Variants in HMGN1 observed in about 807,000 individuals in gnomAD.
The protein encoded by HMGN1 is non-histone chromosomal protein HMG-14.
A neutral mutation model predicts 18.4 loss-of-function variants in HMGN1; 9 were observed. The ratio of observed to expected loss-of-function variants is 0.49; its 90% CI spans 0.29 to 0.85. The LOEUF (loss-of-function observed/expected upper bound fraction) is 0.85, where lower values mean the gene tolerates loss of function less well. Ranked by LOEUF, HMGN1 falls within the 40% of genes least tolerant of loss-of-function variation. HMGN1 has a pLI of 0.07. For missense variants in HMGN1, 151 were observed against 119.2 expected (o/e 1.27, Z -1.24); for synonymous variants, 59 against 45.0 (o/e 1.31, Z -1.24).
chr21:39,343,199 C>A (rs1215870220), intron 5 of HMGN1, 40 bp from the exon 6 acceptor site: 1 of 1,561,856 alleles, frequency 6.4e-7, no homozygotes, highest in Admixed American at 1.9e-5. Context: ...GCATTTAACA[C>A]GTTGTCGTTT....
intron 5 of HMGN1, among the ~76,000 whole-genome samples, chr21:39,344,100 CAAA>C (rs1382261256): frequency 6.6e-6 from 1 of 151,686 alleles, no homozygotes; most frequent in Non-Finnish European, 1.5e-5. Context: ...ACTAAAAATA[CAAA>C]AAATTAGTTG....
intron 1 of HMGN1, 128 bp from the exon 2 acceptor site, chr21:39,348,705 C>G: frequency 8.2e-7 from 1 of 1,212,982 alleles, no homozygotes; most frequent in Non-Finnish European, 1.1e-6. Context: ...GAATAGCCCC[C>G]TCAGCTCCCC....
chr21:39,342,356 G>A lies in HMGN1; in HGVS notation c.*756C>T, dbSNP rs143187700. The A allele has an allele frequency of 2.2e-3, 383 of 175,760 alleles. 2 individuals are homozygous for A. The highest frequency in any genetic ancestry group is 8.4e-3 in the African/African-American group (351 of 41,638). The allele number at this position is 175,760 out of a possible 1,614,324, so 10.9% of individuals were successfully genotyped here. On this transcript the variant is annotated 3_prime_UTR_variant, in exon 6 of 6. Coordinates refer to ENST00000380749, the MANE Select transcript of HMGN1 (RefSeq NM_004965.7). The stretch of plus-strand genomic sequence containing the variant: ...ATTTTATTGGTTGAGGATCAGTACA[G>A]ACATTTCAATTTGTACACAAATCTT...
At chr21:39,347,431 A>G (rs1291758677) in intron 4 of HMGN1, 3 of 1,287,160 alleles carry the variant, frequency 2.3e-6, no homozygotes, top group South Asian at 1.3e-5. Context: ...CTCAATGTCA[A>G]GGAAATTAAT....
At chr21:39,343,982 C>T (rs569368962) in intron 5 of HMGN1, among the ~76,000 whole-genome samples, 3 of 152,220 alleles carry the variant, frequency 2.0e-5, no homozygotes, top group South Asian at 2.1e-4. Flanking sequence ...AGGCCAGGAG[C>T]GGTGGCTCAC....
intron 4 of HMGN1, 134 bp downstream of exon 4, chr21:39,348,158 C>T: frequency 3.3e-6 from 4 of 1,213,670 alleles, no homozygotes; most frequent in Non-Finnish European, 4.6e-6. Flanking sequence ...TTGCCTCGAC[C>T]ACTAGAAAAA....
intron 4 of HMGN1, 134 bp downstream of exon 4, chr21:39,348,155 GACC>G (rs779519941): frequency 8.5e-7 from 1 of 1,181,810 alleles, no homozygotes; most frequent in Non-Finnish European, 1.2e-6. Flanking sequence ...TTTTTGCCTC[GACC>G]ACTAGAAAAA....
chr21:39,342,962 A>C lies in HMGN1; in HGVS notation c.*150T>G. ...TCTTAAAAAAAAGCATTTACACTTA[A>C]AAAATGGGATGAGGTGGGATTCCCT... On this transcript the variant is annotated 3_prime_UTR_variant, in exon 6 of 6. Coordinates refer to ENST00000380749, the MANE Select transcript of HMGN1 (RefSeq NM_004965.7). 1 of 1,271,106 alleles carries C rather than the reference A, an allele frequency of 7.9e-7. No homozygotes were observed. The highest frequency in any genetic ancestry group is 1.1e-6 in the Non-Finnish European group (1 of 905,126). The allele number at this position is 1,271,106 out of a possible 1,614,324, so 78.7% of individuals were successfully genotyped here. A position where few individuals can be genotyped will look rare whatever the true frequency, so the allele number is the denominator to read the frequency against.
intron 4 of HMGN1, chr21:39,347,251 C>T (rs377764993): frequency 1.4e-4 from 101 of 745,742 alleles, no homozygotes; most frequent in Non-Finnish European, 1.7e-4. Context: ...TCATACCTTC[C>T]GTGAAGCTTT....
At chr21:39,343,529 G>A (rs954302165) in intron 5 of HMGN1, among the ~76,000 whole-genome samples, 6 of 152,080 alleles carry the variant, frequency 3.9e-5, no homozygotes, top group Admixed American at 1.3e-4. Flanking sequence ...GTTTAAAATG[G>A]CCCCCACGCA....
At chr21:39,347,301 G>GA in intron 4 of HMGN1, 2 of 963,356 alleles carry the variant, frequency 2.1e-6, no homozygotes, top group Non-Finnish European at 2.6e-6. Context: ...TTCTGTTAAA[G>GA]AAAACATAGT....
intron 4 of HMGN1, 42 bp from the exon 5 acceptor site, chr21:39,345,316 C>G (rs2037012131): frequency 6.4e-7 from 1 of 1,572,804 alleles, no homozygotes; most frequent in Non-Finnish European, 8.7e-7. Context: ...ATGCTTTACT[C>G]CTTATTTACA....
rs199956089 is a variant in HMGN1 at position 39,348,605 on chromosome 21, G to A, written c.16-28C>T. On this transcript the variant is annotated intron_variant, in intron 1 of 5. Transcript: ENST00000380749. ...GCGGAGACGGAGACGCACGAATAGA[G>A]GCGGGCCGCAGTCCCAGGACTCGCG... The A allele has an allele frequency of 4.4e-4, 685 of 1,568,454 alleles. 5 individuals carry two copies. In the East Asian group the frequency reaches 0.012, roughly 28 times the overall value.
intron 4 of HMGN1, chr21:39,345,955 G>A (rs2037037635): frequency 1.5e-6 from 2 of 1,300,848 alleles, no homozygotes; most frequent in Non-Finnish European, 2.0e-6. Flanking sequence ...GGTGTTTGAA[G>A]AATCTGAAAA....
intron 4 of HMGN1, chr21:39,346,133 C>A: frequency 2.6e-6 from 1 of 383,528 alleles, no homozygotes; most frequent in Non-Finnish European, 4.9e-6. Flanking sequence ...TTAGTTTAGC[C>A]CCCAGCGGGT....
chr21:39,345,770 T>C (rs1266220623), intron 4 of HMGN1: 2 of 1,262,592 alleles, frequency 1.6e-6, no homozygotes, highest in African/African-American at 3.1e-5. Context: ...CCCAAATTTG[T>C]TGTGAACTTC....
rs772222489 is a variant in HMGN1 at position 39,348,525 on chromosome 21, C to A, written c.48+20G>T. On this transcript the variant is annotated intron_variant, in intron 2 of 5. Transcript: ENST00000380749. Reference sequence around the variant, plus strand: ...GGCTCACGGGAAACCCACCACCCCCCGCAGAAGGCCCGCACTCACCTCTTC... The same window carrying A: ...GGCTCACGGGAAACCCACCACCCCCAGCAGAAGGCCCGCACTCACCTCTTC... 1.2e-6 allele frequency: 2 copies of A among 1,613,434 alleles called. No homozygotes were observed. Among genetic ancestry groups the A allele is most frequent in the Non-Finnish European group, 1.7e-6 (2 of 1,179,882 alleles).
intron 4 of HMGN1, chr21:39,346,006 G>T: frequency 8.2e-7 from 1 of 1,213,122 alleles, no homozygotes; most frequent in Non-Finnish European, 1.1e-6. Context: ...GATACATTAA[G>T]TTCAAAATTT....
chr21:39,345,138 C>CACACA lies in HMGN1; in HGVS notation c.255+7_255+8insTGTGT, dbSNP rs10529119. On this transcript the variant is annotated splice_region_variant and intron_variant, in intron 5 of 5. Transcript: ENST00000380749. The stretch of plus-strand genomic sequence containing the variant: ...ACACACACACACACACACACACACA[C>CACACA]TTCTGACCTCCTCAGTCTTCGTTTC... 3 of 1,568,306 alleles carry CACACA rather than the reference C, an allele frequency of 1.9e-6. No homozygotes were observed. Among genetic ancestry groups the CACACA allele is most frequent in the Non-Finnish European group, 2.6e-6 (3 of 1,156,564 alleles).
Sources: gnomAD v4.1 joint callset for allele counts (sites outside exome capture counted in the v4.1 genomes callset) on GRCh38, gnomAD v4.1.1 for gene constraint, MANE v1.5 for transcripts, NCBI Gene and HGNC (gene_info 2026-07-23, HGNC 2026-07-21) for gene names.